EXOC6: variants seen among roughly 807,000 people sequenced by gnomAD.
The protein encoded by EXOC6 is exocyst complex component 6.
In EXOC6, 60 loss-of-function variants were observed where a neutral mutation model predicts 112.5. The observed-to-expected ratio is 0.53, with a 90% CI of 0.43 to 0.66. The LOEUF is 0.66. Among genes scored for constraint, EXOC6 ranks in the 30% least tolerant of loss-of-function variants. The pLI, the probability that EXOC6 is intolerant of heterozygous loss-of-function variation, is 0.00. For missense variants in EXOC6, 855 were observed against 957.1 expected, an observed-to-expected ratio of 0.89 and a Z score of 1.41; for synonymous variants, 295 against 308.0, an observed-to-expected ratio of 0.96 and a Z score of 0.44.
At chr10:92,988,126 A>G (rs769534053) in intron 18 of EXOC6, among the ~76,000 whole-genome samples, 24 of 152,210 alleles carry the variant, frequency 1.6e-4, no homozygotes, top group Admixed American at 1.6e-3. Context: ...CTGCACTCGT[A>G]GAAGTCTAAC....
chr10:92,994,764 C>CAATAAT (rs201352845), intron 18 of EXOC6, among the ~76,000 whole-genome samples: 40 of 150,642 alleles, frequency 2.7e-4, no homozygotes, highest in African/African-American at 7.5e-4. Context: ...TTAAAGGCAT[C>CAATAAT]AATAATAATA....
At chr10:92,906,824 G>A (rs10786060) in intron 5 of EXOC6, among the ~76,000 whole-genome samples, 45,170 of 151,986 alleles carry the variant, frequency 0.3, 7,513 homozygotes, top group East Asian at 0.73. Context: ...CAACATGATA[G>A]CATCAGATCA....
intron 18 of EXOC6, among the ~76,000 whole-genome samples, chr10:92,993,399 A>G (rs1228866273): frequency 6.6e-6 from 1 of 152,198 alleles, no homozygotes; most frequent in African/African-American, 2.4e-5. Context: ...TTTTAACATT[A>G]AATGTACTTG....
At position 92,915,830 on chromosome 10, in the gene EXOC6, A is replaced by G. The variant is rs765454739; in HGVS notation, c.736A>G (p.Ile246Val). The G allele has an allele frequency of 3.2e-6, 5 of 1,543,212 alleles. No individual in the cohort carries two copies. Among genetic ancestry groups the G allele is most frequent in the Non-Finnish European group, 4.3e-6 (5 of 1,153,216 alleles). The change falls in exon 7 of 22, where the codon ATA becomes GTA. Residue 246 changes from isoleucine (I) to valine (V), a missense_variant. Physicochemically the swap from Ile to Val is conservative, Grantham distance 29 (BLOSUM62 3). Transcript: ENST00000260762. ...AATGAAATTTGGGAAAAATATGTAT[A>G]TAAATCGTGATAGAATTCCAGAGGA... ...NKMKFGKNMYINRDRIPEERN... is the reference protein window; with the variant it reads ...NKMKFGKNMYVNRDRIPEERN...
chr10:93,024,657 A>C (rs1844941671), intron 20 of EXOC6, among the ~76,000 whole-genome samples: 1 of 152,146 alleles, frequency 6.6e-6, no homozygotes, highest in Non-Finnish European at 1.5e-5. Flanking sequence ...ACCTCAGGTG[A>C]TCCACCCAGC....
intron 1 of EXOC6, among the ~76,000 whole-genome samples, chr10:92,829,312 A>G (rs915783847): frequency 3.7e-4 from 57 of 152,198 alleles, no homozygotes; most frequent in African/African-American, 1.4e-3. Flanking sequence ...AAGCCTGTCT[A>G]TAAAATCCGA....
intron 1 of EXOC6, among the ~76,000 whole-genome samples, chr10:92,878,568 G>A (rs1159720248): frequency 6.6e-6 from 1 of 152,014 alleles, no homozygotes; most frequent in Non-Finnish European, 1.5e-5. Flanking sequence ...GGTGGAGTGC[G>A]CCCCTGGAAG....
chr10:92,833,560 G>T (rs1846559185), upstream of EXOC6, among the ~76,000 whole-genome samples: 1 of 152,192 alleles, frequency 6.6e-6, no homozygotes, highest in Admixed American at 6.5e-5. Flanking sequence ...GTGGATGCAG[G>T]CAGGGGTGAC....
At chr10:93,030,288 C>A (rs574010882) in intron 20 of EXOC6, among the ~76,000 whole-genome samples, 10 of 151,570 alleles carry the variant, frequency 6.6e-5, no homozygotes, top group African/African-American at 2.2e-4. Flanking sequence ...AGCAGTCTGC[C>A]CACCTGAGCT....
At chr10:92,834,655 C>A, upstream of EXOC6, 2 of 1,029,678 alleles carry the variant, frequency 1.9e-6, no homozygotes, top group Admixed American at 2.7e-5. Context: ...ATAAGGAAAA[C>A]GGTATTTTTT....
chr10:92,856,718 A>G (rs1243820952), intron 1 of EXOC6, among the ~76,000 whole-genome samples: 2 of 152,118 alleles, frequency 1.3e-5, no homozygotes, highest in African/African-American at 2.4e-5. Context: ...AGCTTAGAGT[A>G]TTGTTCACGT....
intron 20 of EXOC6, among the ~76,000 whole-genome samples, chr10:93,042,722 A>G (rs1845838230): frequency 6.6e-6 from 1 of 152,162 alleles, no homozygotes; most frequent in Non-Finnish European, 1.5e-5. Flanking sequence ...GTACTTTGTT[A>G]TGGTAACCCA....
chr10:92,880,681 A>G (rs1848918394), intron 1 of EXOC6, among the ~76,000 whole-genome samples: 1 of 152,156 alleles, frequency 6.6e-6, no homozygotes, highest in African/African-American at 2.4e-5. Flanking sequence ...AATTTCTGGT[A>G]ATGGGAAGGT....
At chr10:92,847,110 T>C (rs1847079448), upstream of EXOC6, among the ~76,000 whole-genome samples, 1 of 152,248 alleles carries the variant, frequency 6.6e-6, no homozygotes, top group African/African-American at 2.4e-5. Context: ...ACCTTGATTT[T>C]TAGCCCAGTG....
intron 19 of EXOC6, among the ~76,000 whole-genome samples, chr10:92,999,604 G>C (rs538341144): frequency 6.6e-5 from 10 of 152,186 alleles, no homozygotes; most frequent in African/African-American, 2.4e-4. Flanking sequence ...GACATTTTGT[G>C]TGTAAGAGAG....
intron 19 of EXOC6, among the ~76,000 whole-genome samples, chr10:93,003,592 T>G (rs1319699321): frequency 6.6e-6 from 1 of 152,328 alleles, no homozygotes; most frequent in East Asian, 1.9e-4. Flanking sequence ...AAGATTCATT[T>G]GTGCAAATGT....
rs751646291 is a variant in EXOC6, at chr10:92,974,131, T to G, written c.1852T>G (p.Tyr618Asp). 4 of 1,604,048 alleles carry G rather than the reference T, an allele frequency of 2.5e-6. No homozygotes were observed. In the South Asian group the frequency reaches 4.5e-5, roughly 18 times the overall value. ...KIDEFVQLAD[Y>D]DWTMSEPDGR... Reference sequence around the variant, plus strand: ...TGATGAATTTGTTCAGCTTGCTGATTATGACTGGACAATGTCTGAGCCAGA... The same window carrying G: ...TGATGAATTTGTTCAGCTTGCTGATGATGACTGGACAATGTCTGAGCCAGA... Residue 618 changes from tyrosine to aspartate, a missense_variant, in exon 18 of 22, where the codon TAT becomes GAT. Tyr to Asp is a radical substitution (Grantham distance 160, BLOSUM62 -3). Coordinates refer to ENST00000260762, the MANE Select transcript of EXOC6 (RefSeq NM_019053.6).
intron 21 of EXOC6, among the ~76,000 whole-genome samples, chr10:93,057,981 C>T (rs1846623109): frequency 6.6e-6 from 1 of 152,096 alleles, no homozygotes; most frequent in Admixed American, 6.5e-5. Context: ...GTAAACCTAG[C>T]ATATTTTAGA....
At chr10:92,935,558 TTAAA>T (rs1852292968) in intron 11 of EXOC6, among the ~76,000 whole-genome samples, 1 of 152,096 alleles carries the variant, frequency 6.6e-6, no homozygotes, top group Non-Finnish European at 1.5e-5. Context: ...CTTTTTCAGT[TTAAA>T]TAACTAGTTC....
Sources: gnomAD v4.1 joint callset for allele counts (sites outside exome capture counted in the v4.1 genomes callset) on GRCh38, gnomAD v4.1.1 for gene constraint, MANE v1.5 for transcripts, NCBI Gene and HGNC (gene_info 2026-07-23, HGNC 2026-07-21) for gene names.